The following EPHA6 variants were observed in gnomAD, a reference collection of about 807,000 sequenced individuals.
EPHA6 encodes ephrin type-A receptor 6.
EPHA6 carries 50 observed loss-of-function variants against 112.0 expected under a neutral mutation model. The ratio of observed to expected loss-of-function variants is 0.45; its 90% CI spans 0.36 to 0.56. The LOEUF (loss-of-function observed/expected upper bound fraction) is 0.56. Ranked by LOEUF, EPHA6 falls within the 20% of genes least tolerant of loss-of-function variation. The pLI, the probability that EPHA6 is intolerant of heterozygous loss-of-function variation, is 0.00. For synonymous variants in EPHA6, 529 were observed against 490.7 expected (o/e 1.08, Z -1.03); for missense variants, 1,280 against 1,417.4 (o/e 0.90, Z 1.56).
intron 2 of EPHA6, among the ~76,000 whole-genome samples, chr3:96,892,952 ATATGTG>A (rs968667532): frequency 1.4e-5 from 2 of 140,784 alleles, no homozygotes; most frequent in African/African-American, 3.0e-5. Flanking sequence ...ATATATATAT[ATATGTG>A]TGTGTGTGTG....
rs547789834 is a variant in EPHA6, at chr3:97,681,142, T to G, written c.2785-39119T>G. Among the ~76,000 whole-genome samples, 4 of 152,248 alleles carry G rather than the reference T, an allele frequency of 2.6e-5. No individual in the cohort carries two copies. In the East Asian group the frequency reaches 7.7e-4, roughly 29 times the overall value. ...TAAATATATGAAAACTGTTCAAACC[T>G]GCTAGTAATCAGAAAAATGCAAACT... On this transcript the variant is annotated intron_variant, in intron 14 of 17. Transcript: ENST00000389672.
At position 97,627,097 on chromosome 3, in the gene EPHA6, T is replaced by C. The variant is rs527797570; in HGVS notation, c.2575-10776T>C. On this transcript the variant is annotated intron_variant, in intron 13 of 17. Transcript: ENST00000389672. ...GTAGTTATTACCACTATCCTCATTT[T>C]ACCAGTGACCAAACTGAGGCAAGGC... Among the ~76,000 whole-genome samples, 6 of 152,048 alleles carry C rather than the reference T, an allele frequency of 3.9e-5. No individual in the cohort carries two copies. The East Asian group carries it at 7.7e-4, about 20-fold the overall frequency.
At chr3:97,297,764 T>C (rs898947915) in intron 5 of EPHA6, among the ~76,000 whole-genome samples, 5 of 152,150 alleles carry the variant, frequency 3.3e-5, no homozygotes, top group African/African-American at 1.2e-4. Context: ...TATTATTTTA[T>C]TTATTTTTTA....
intron 11 of EPHA6, among the ~76,000 whole-genome samples, chr3:97,540,672 A>G (rs185874455): frequency 1.3e-3 from 197 of 152,300 alleles, no homozygotes; most frequent in African/African-American, 4.4e-3. Context: ...CTGTAAAAAC[A>G]TCTAGTAACA....
At position 97,612,972 on chromosome 3, in the gene EPHA6, G is replaced by A. The variant is rs542032097; in HGVS notation, c.2574+2118G>A. Among the ~76,000 whole-genome samples the A allele has an allele frequency of 3.9e-5, 6 of 152,064 alleles. No individual in the cohort carries two copies. In the East Asian group the frequency reaches 7.7e-4, roughly 20 times the overall value. ...CGTTATGAATTCATTTTATTAAATT[G>A]CTTACTACTTTTCCTTATAAGTCCA... On this transcript the variant is annotated intron_variant, in intron 13 of 17. Coordinates refer to ENST00000389672, the MANE Select transcript of EPHA6 (RefSeq NM_001080448.3).
chr3:97,651,340 A>G (rs1395097845), intron 14 of EPHA6, among the ~76,000 whole-genome samples: 1 of 152,062 alleles, frequency 6.6e-6, no homozygotes, highest in Non-Finnish European at 1.5e-5. Context: ...AGCACTTACA[A>G]TGATGGGTTA....
intron 3 of EPHA6, among the ~76,000 whole-genome samples, chr3:97,180,063 T>G (rs1213819170): frequency 2.0e-5 from 3 of 152,066 alleles, no homozygotes; most frequent in African/African-American, 7.2e-5. Context: ...AGAAGTCTAC[T>G]TGGTGTTCTA....
chr3:97,187,723 AAGAAAGAAAG>A (rs2077187585), intron 3 of EPHA6, among the ~76,000 whole-genome samples: 1 of 150,270 alleles, frequency 6.7e-6, no homozygotes, highest in African/African-American at 2.4e-5. Context: ...GAAAGAAAGA[AAGAAAGAAAG>A]AAAGAAAGAA....
rs1012750508 is a variant in EPHA6 at position 97,756,800 on chromosome 3, T to C, written c.*8099T>C. On this transcript the variant is annotated 3_prime_UTR_variant, in exon 18 of 18. Transcript: ENST00000389672. ...ACATGAGTAACATTTGATGTAAAGA[T>C]TATGGTGTGTGCTTGATTTTGGATA... Among the ~76,000 whole-genome samples the C allele has an allele frequency of 4.0e-4, 61 of 151,768 alleles. No individual in the cohort carries two copies. Among genetic ancestry groups the C allele is most frequent in the African/African-American group, 1.2e-3 (51 of 41,384 alleles).
At chr3:97,233,286 C>G (rs574600030) in intron 4 of EPHA6, among the ~76,000 whole-genome samples, 26 of 150,170 alleles carry the variant, frequency 1.7e-4, no homozygotes, top group African/African-American at 5.9e-4. Context: ...ATGGAGTGAC[C>G]CTAGCAGTTA....
chr3:97,256,558 G>A (rs1198940018), intron 5 of EPHA6, among the ~76,000 whole-genome samples: 1 of 151,894 alleles, frequency 6.6e-6, no homozygotes, highest in South Asian at 2.1e-4. Flanking sequence ...CACAGATATG[G>A]CAAGCAGATG....
chr3:97,430,988 G>GA (rs1157003588), intron 6 of EPHA6, among the ~76,000 whole-genome samples: 2 of 151,868 alleles, frequency 1.3e-5, no homozygotes, highest in Non-Finnish European at 2.9e-5. Flanking sequence ...TATTTTTAGG[G>GA]AAAAAACAAC....
chr3:97,577,878 T>C (rs191728821), intron 11 of EPHA6, among the ~76,000 whole-genome samples: 5 of 152,286 alleles, frequency 3.3e-5, no homozygotes, highest in East Asian at 1.9e-4. Flanking sequence ...TTGGAAGTTA[T>C]GTTTCAATGT....
intron 6 of EPHA6, among the ~76,000 whole-genome samples, chr3:97,418,717 T>C (rs2088344122): frequency 6.6e-6 from 1 of 152,082 alleles, no homozygotes; most frequent in South Asian, 2.1e-4. Context: ...AAAACGATAG[T>C]ATAAGAAGCA....
chr3:97,134,274 G>A (rs971565264), intron 3 of EPHA6, among the ~76,000 whole-genome samples: 3 of 151,942 alleles, frequency 2.0e-5, no homozygotes, highest in Non-Finnish European at 4.4e-5. Flanking sequence ...TTTATTTTTA[G>A]TATAATTGTT....
chr3:97,606,564 G>A (rs2093681543), intron 12 of EPHA6, among the ~76,000 whole-genome samples: 1 of 151,260 alleles, frequency 6.6e-6, no homozygotes, highest in South Asian at 2.1e-4. Context: ...AAGTTCAAAG[G>A]AAATGTTAAA....
chr3:97,205,390 T>C (rs1289255415), intron 3 of EPHA6, among the ~76,000 whole-genome samples: 3 of 151,964 alleles, frequency 2.0e-5, no homozygotes, highest in East Asian at 1.9e-4. Context: ...AATATAATTA[T>C]AGTATTATAC....
At chr3:96,964,185 T>C (rs2042042232) in intron 2 of EPHA6, among the ~76,000 whole-genome samples, 1 of 152,120 alleles carries the variant, frequency 6.6e-6, no homozygotes, top group Admixed American at 6.6e-5. Context: ...GCTCATTCGT[T>C]ATTTTAAGAT....
chr3:96,974,507 T>A (rs1465701976), intron 2 of EPHA6, among the ~76,000 whole-genome samples: 1 of 151,286 alleles, frequency 6.6e-6, no homozygotes, highest in African/African-American at 2.4e-5. Context: ...ATGTTTTTTA[T>A]GTAATATTTA....
Sources: gnomAD v4.1 joint callset for allele counts (sites outside exome capture counted in the v4.1 genomes callset) on GRCh38, gnomAD v4.1.1 for gene constraint, MANE v1.5 for transcripts, NCBI Gene and HGNC (gene_info 2026-07-23, HGNC 2026-07-21) for gene names.